Variants in TMEM131 observed in about 807,000 individuals in gnomAD.
TMEM131 encodes transmembrane protein 131.
Under a neutral mutation model 211.6 loss-of-function variants are expected in TMEM131, and 66 were observed. That is an observed-to-expected ratio of 0.31 (90% CI 0.26 to 0.38). TMEM131 has a LOEUF of 0.38. Among genes scored for constraint, TMEM131 ranks in the 10% least tolerant of loss-of-function variants. TMEM131 has a pLI of 1.00. For synonymous variants in TMEM131, 844 were observed against 841.3 expected, an observed-to-expected ratio of 1.00 and a Z score of -0.06; for missense variants, 2,036 against 2,299.3, an observed-to-expected ratio of 0.89 and a Z score of 2.34.
chr2:97,906,950 C>A (rs1311450390), intron 3 of TMEM131, among the ~76,000 whole-genome samples: 1 of 152,156 alleles, frequency 6.6e-6, no homozygotes, highest in Non-Finnish European at 1.5e-5. Context: ...GTACTGATGT[C>A]AATTCTTCAT....
At chr2:97,834,481 AAGG>A (rs1682849003) in intron 10 of TMEM131, 137 bp downstream of exon 10, 3 of 715,574 alleles carry the variant, frequency 4.2e-6, no homozygotes, top group African/African-American at 3.7e-5. Context: ...TGAGTCTGAA[AAGG>A]AGATTTGTAC....
chr2:97,995,480 CT>C lies in TMEM131; in HGVS notation c.182del (p.Lys61ArgfsTer10). 1 of 1,405,944 alleles carries C rather than the reference CT, an allele frequency of 7.1e-7. No individual in the cohort carries two copies. Among genetic ancestry groups the C allele is most frequent in the South Asian group, 1.5e-5 (1 of 66,010 alleles). 87.1% of individuals were successfully genotyped at this position (1,405,944 alleles called of 1,614,324 possible). On this transcript the variant is annotated frameshift_variant, in exon 1 of 41. Transcript: ENST00000186436. LOFTEE classifies it high-confidence loss of function. The stretch of plus-strand genomic sequence containing the variant: ...ACGCCGCCGGGGGACACCCACCTTC[CT>C]TCTCGGCCCGCGCCGCAGCCACTAC... ...TLVVAAARAE[K>X]EAFVQSESII... is the part of the protein sequence containing the mutation.
intron 2 of TMEM131, among the ~76,000 whole-genome samples, chr2:97,925,493 T>C (rs1676944667): frequency 6.6e-6 from 1 of 152,200 alleles, no homozygotes; most frequent in Non-Finnish European, 1.5e-5. Flanking sequence ...GGAATGACAA[T>C]GGCCAAAGCA....
At chr2:97,979,506 G>A (rs572626327) in intron 1 of TMEM131, among the ~76,000 whole-genome samples, 4 of 152,254 alleles carry the variant, frequency 2.6e-5, no homozygotes, top group Admixed American at 6.5e-5. Flanking sequence ...CTTGTACATC[G>A]GCACTTAACC....
intron 5 of TMEM131, among the ~76,000 whole-genome samples, chr2:97,855,537 C>CA (rs1444323239): frequency 6.6e-6 from 1 of 151,914 alleles, no homozygotes; most frequent in Non-Finnish European, 1.5e-5. Flanking sequence ...CCATCTCTAC[C>CA]AAAAAATACA....
chr2:97,984,871 GA>G, intron 1 of TMEM131, among the ~76,000 whole-genome samples: 1 of 152,184 alleles, frequency 6.6e-6, no homozygotes, highest in East Asian at 1.9e-4. Flanking sequence ...GGAAGTGTGT[GA>G]GTATAGCCTG....
intron 3 of TMEM131, among the ~76,000 whole-genome samples, chr2:97,896,899 T>C (rs1054173550): frequency 6.6e-6 from 1 of 152,136 alleles, no homozygotes; most frequent in Non-Finnish European, 1.5e-5. Context: ...GAAATTTCTA[T>C]TGGAATTGCT....
intron 4 of TMEM131, chr2:97,887,823 T>C: frequency 2.4e-6 from 1 of 419,214 alleles, no homozygotes; most frequent in Non-Finnish European, 4.2e-6. Flanking sequence ...AACCAGAGAC[T>C]ACAACAAGCG....
chr2:97,817,207 T>C (rs990353390), intron 12 of TMEM131, among the ~76,000 whole-genome samples: 3 of 151,862 alleles, frequency 2.0e-5, no homozygotes, highest in African/African-American at 7.3e-5. Context: ...TAGAGAAGAG[T>C]AGCTCTTCAC....
chr2:97,936,534 G>T (rs1677453528), intron 1 of TMEM131, among the ~76,000 whole-genome samples: 1 of 152,146 alleles, frequency 6.6e-6, no homozygotes, highest in African/African-American at 2.4e-5. Context: ...AGAATTACTG[G>T]TTCCAGGTTT....
At chr2:97,940,808 CAA>C (rs1261852020) in intron 1 of TMEM131, among the ~76,000 whole-genome samples, 18 of 86,040 alleles carry the variant, frequency 2.1e-4, no homozygotes, top group East Asian at 3.4e-4. Flanking sequence ...GACTCCATCT[CAA>C]AAAAAAAAAA....
intron 4 of TMEM131, among the ~76,000 whole-genome samples, chr2:97,864,271 C>T (rs897148504): frequency 2.0e-5 from 3 of 151,866 alleles, no homozygotes; most frequent in African/African-American, 7.3e-5. Flanking sequence ...ATGATTAATA[C>T]GTATAAAGAA....
intron 1 of TMEM131, among the ~76,000 whole-genome samples, chr2:97,973,181 G>GT (rs1318892352): frequency 1.3e-5 from 2 of 152,132 alleles, no homozygotes; most frequent in Non-Finnish European, 2.9e-5. Flanking sequence ...GTACCAAGAG[G>GT]TTTAGGAATA....
chr2:97,794,813 T>C, intron 29 of TMEM131, 117 bp downstream of exon 29: 1 of 794,088 alleles, frequency 1.3e-6, no homozygotes, highest in Middle Eastern at 3.3e-4. Context: ...AAAGGCAGAG[T>C]TCTGTCTTGT....
intron 4 of TMEM131, among the ~76,000 whole-genome samples, chr2:97,887,236 A>G (rs1173572842): frequency 6.6e-6 from 1 of 152,244 alleles, no homozygotes; most frequent in East Asian, 1.9e-4. Flanking sequence ...TCTCAGGTCC[A>G]TGATGTGAGC....
intron 1 of TMEM131, among the ~76,000 whole-genome samples, chr2:97,930,470 A>G (rs1677173157): frequency 6.6e-6 from 1 of 151,840 alleles, no homozygotes; most frequent in Admixed American, 6.6e-5. Flanking sequence ...AAAAATATGA[A>G]TGTTAGTTAA....
chr2:97,899,234 A>G (rs1236868049), intron 3 of TMEM131, among the ~76,000 whole-genome samples: 3 of 152,164 alleles, frequency 2.0e-5, no homozygotes, highest in Non-Finnish European at 4.4e-5. Flanking sequence ...TTTAAAGATT[A>G]GTGTTTACTT....
At chr2:97,869,557 A>T (rs1259859666) in intron 4 of TMEM131, among the ~76,000 whole-genome samples, 1 of 152,232 alleles carries the variant, frequency 6.6e-6, no homozygotes, top group Non-Finnish European at 1.5e-5. Context: ...GTCAGGAAGG[A>T]CATCAGCAGG....
intron 18 of TMEM131, 114 bp from the exon 19 acceptor site, chr2:97,809,888 C>T (rs1247575765): frequency 2.8e-6 from 2 of 712,786 alleles, no homozygotes; most frequent in African/African-American, 1.8e-5. Flanking sequence ...TTGACAATAA[C>T]CAGCTCCATA....
Sources: allele counts gnomAD v4.1 joint callset (sites outside exome capture counted in the v4.1 genomes callset), GRCh38; gene constraint gnomAD v4.1.1; transcripts MANE v1.5; gene names NCBI Gene and HGNC (gene_info 2026-07-23, HGNC 2026-07-21).